DAAM1: variants seen among roughly 807,000 people sequenced by gnomAD.
DAAM1 encodes disheveled-associated activator of morphogenesis 1.
DAAM1 carries 52 observed loss-of-function variants against 130.0 expected under a neutral mutation model. The ratio of observed to expected loss-of-function variants is 0.40; its 90% confidence interval spans 0.32 to 0.50. The LOEUF is 0.50. Ranked by LOEUF, DAAM1 falls within the 20% of genes least tolerant of loss-of-function variation. The pLI, the probability that DAAM1 is intolerant of heterozygous loss-of-function variation, is 0.61. For missense variants in DAAM1, 1,134 were observed against 1,303.8 expected, an observed-to-expected ratio of 0.87 and a Z score of 2.01; for synonymous variants, 452 against 444.5, an observed-to-expected ratio of 1.02 and a Z score of -0.21.
intron 5 of DAAM1, among the ~76,000 whole-genome samples, chr14:59,321,388 T>C (rs1043169305): frequency 3.9e-5 from 6 of 152,234 alleles, no homozygotes; most frequent in Non-Finnish European, 5.9e-5. Context: ...TCTGTGAATA[T>C]ACTAAAAGCT....
chr14:59,351,303 ATCTCT>A (rs757043894), intron 17 of DAAM1, among the ~76,000 whole-genome samples: 15 of 152,018 alleles, frequency 9.9e-5, no homozygotes, highest in Non-Finnish European at 1.3e-4. Flanking sequence ...ATCATTTTTA[ATCTCT>A]TCTAATTCTT....
chr14:59,321,791 A>G (rs1885019461), intron 5 of DAAM1, among the ~76,000 whole-genome samples: 1 of 152,242 alleles, frequency 6.6e-6, no homozygotes, highest in South Asian at 2.1e-4. Flanking sequence ...AGAGATCTAG[A>G]CTATCCTAAC....
chr14:59,254,791 GACACAGA>G (rs1466871387), intron 1 of DAAM1, among the ~76,000 whole-genome samples: 1 of 152,196 alleles, frequency 6.6e-6, no homozygotes, highest in Non-Finnish European at 1.5e-5. Flanking sequence ...GGTATTACGT[GACACAGA>G]ACAGTTGTTG....
intron 2 of DAAM1, among the ~76,000 whole-genome samples, chr14:59,284,466 A>G (rs903134091): frequency 2.0e-5 from 3 of 152,142 alleles, no homozygotes; most frequent in African/African-American, 2.4e-5. Flanking sequence ...TTTAATTTAC[A>G]TATTTTATTG....
rs560235285 is a variant in DAAM1, at chr14:59,281,092, C to T, written c.184-10125C>T. ...AGATTTCTCTGCAAGAGTTGACAGT[C>T]GACTTGCAAACCAAAACATACCTGC... is the stretch of plus-strand genomic sequence containing the variant. On this transcript the variant is annotated intron_variant, in intron 2 of 24. Coordinates refer to ENST00000360909, the MANE Select transcript of DAAM1 (RefSeq NM_001270520.2). Among the ~76,000 whole-genome samples, 212 of 152,238 alleles carry T rather than the reference C, an allele frequency of 1.4e-3. 1 individual carries two copies. Among genetic ancestry groups the T allele is most frequent in the African/African-American group, 5.0e-3 (206 of 41,546 alleles).
At chr14:59,281,163 C>T (rs933480941) in intron 2 of DAAM1, among the ~76,000 whole-genome samples, 3 of 152,164 alleles carry the variant, frequency 2.0e-5, no homozygotes, top group Non-Finnish European at 4.4e-5. Context: ...CTTCCACCCT[C>T]GGGGGGTTGC....
chr14:59,199,916 A>C (rs1459590405), intron 1 of DAAM1, among the ~76,000 whole-genome samples: 3 of 152,190 alleles, frequency 2.0e-5, no homozygotes, highest in African/African-American at 7.2e-5. Context: ...CCCTGGGGGC[A>C]AAATCACCCC....
At chr14:59,255,995 C>T (rs1881866597) in intron 1 of DAAM1, among the ~76,000 whole-genome samples, 2 of 152,110 alleles carry the variant, frequency 1.3e-5, no homozygotes, top group Admixed American at 6.5e-5. Context: ...TCTTGACTGC[C>T]ATTTCCACTA....
intron 13 of DAAM1, 126 bp from the exon 14 acceptor site, chr14:59,331,083 T>A (rs1594828757): frequency 1.4e-6 from 2 of 1,473,458 alleles, no homozygotes; most frequent in East Asian, 4.7e-5. Context: ...TTACCGATCC[T>A]TTAAACATTC....
At position 59,213,228 on chromosome 14, in the gene DAAM1, A is replaced by G. The variant is rs756691385; in HGVS notation, c.-38+24460A>G. Reference sequence around the variant, plus strand: ...TCCCAGGATTCCAGAAGATGCCTCAAGGGAGACCCCTCCCTTCCCCCGTAT... The same window carrying G: ...TCCCAGGATTCCAGAAGATGCCTCAGGGGAGACCCCTCCCTTCCCCCGTAT... On this transcript the variant is annotated intron_variant, in intron 1 of 24. Coordinates refer to ENST00000360909, the MANE Select transcript of DAAM1 (RefSeq NM_001270520.2). Among the ~76,000 whole-genome samples the G allele has an allele frequency of 2.0e-5, 3 of 151,746 alleles. No homozygotes were observed. In the East Asian group the frequency reaches 5.8e-4, roughly 29 times the overall value.
intron 3 of DAAM1, among the ~76,000 whole-genome samples, chr14:59,311,669 G>C (rs1399874154): frequency 6.6e-6 from 1 of 151,832 alleles, no homozygotes; most frequent in African/African-American, 2.4e-5. Flanking sequence ...TTTCCCTACA[G>C]ATGGGAAAGA....
intron 22 of DAAM1, among the ~76,000 whole-genome samples, chr14:59,361,863 G>A (rs1886713558): frequency 6.6e-6 from 1 of 152,162 alleles, no homozygotes; most frequent in Non-Finnish European, 1.5e-5. Context: ...TCATTTATCA[G>A]TAATGCTGTG....
intron 12 of DAAM1, among the ~76,000 whole-genome samples, chr14:59,327,402 CTTTTTTT>C (rs386381493): frequency 3.1e-4 from 18 of 58,990 alleles, no homozygotes; most frequent in South Asian, 2.5e-3. Context: ...CACTTGGTTT[CTTTTTTT>C]TTTTTTTTTT....
chr14:59,264,110 T>A (rs1024012134), intron 2 of DAAM1: 4 of 199,984 alleles, frequency 2.0e-5, no homozygotes, highest in Non-Finnish European at 4.2e-5. Context: ...TTCCATCCTG[T>A]CATTGATCCT....
At chr14:59,329,859 A>T (rs1885352999) in intron 12 of DAAM1, among the ~76,000 whole-genome samples, 1 of 152,218 alleles carries the variant, frequency 6.6e-6, no homozygotes, top group South Asian at 2.1e-4. Context: ...ACTCCCCTTA[A>T]GATATTTAAT....
chr14:59,369,254 A>C lies in DAAM1; in HGVS notation c.*395A>C, dbSNP rs3742647. 0.37 allele frequency: 56,101 copies of C among 150,758 alleles called. 12,340 individuals are homozygous for C. The highest frequency in any genetic ancestry group is 0.78 in the East Asian group (4,129 of 5,284). The allele number at this position is 150,758 out of a possible 1,614,324, so 9.3% of individuals were successfully genotyped here. A position where few individuals can be genotyped will look rare whatever the true frequency, so the allele number is the denominator to read the frequency against. The stretch of plus-strand genomic sequence containing the variant: ...CAGAAGAAACAAACAAACAAACAAA[A>C]AAAGCTTGCAAAATATTTTATGGTT... On this transcript the variant is annotated 3_prime_UTR_variant, in exon 25 of 25. Coordinates refer to ENST00000360909, the MANE Select transcript of DAAM1 (RefSeq NM_001270520.2).
At chr14:59,308,365 A>T (rs1028239444) in intron 3 of DAAM1, among the ~76,000 whole-genome samples, 5 of 152,222 alleles carry the variant, frequency 3.3e-5, no homozygotes, top group Admixed American at 1.3e-4. Flanking sequence ...GGGAGGATAT[A>T]ATCACTTTAT....
intron 5 of DAAM1, among the ~76,000 whole-genome samples, chr14:59,321,704 T>C (rs936813897): frequency 2.0e-5 from 3 of 152,240 alleles, no homozygotes; most frequent in Non-Finnish European, 4.4e-5. Context: ...AAAATAAAGA[T>C]TCCCTTTCTT....
At chr14:59,195,388 C>G (rs1245284458) in intron 1 of DAAM1, among the ~76,000 whole-genome samples, 1 of 152,104 alleles carries the variant, frequency 6.6e-6, no homozygotes, top group African/African-American at 2.4e-5. Flanking sequence ...CGTGATCCGC[C>G]TGCCTCGGCC....
Sources: allele counts gnomAD v4.1 joint callset (sites outside exome capture counted in the v4.1 genomes callset), GRCh38; gene constraint gnomAD v4.1.1; transcripts MANE v1.5; gene names NCBI Gene and HGNC (gene_info 2026-07-23, HGNC 2026-07-21).